MCTP2: variants seen among roughly 807,000 people sequenced by gnomAD.
The protein encoded by MCTP2 is multiple C2 and transmembrane domain-containing protein 2.
Under a neutral mutation model 111.6 loss-of-function variants are expected in MCTP2, and 132 were observed. The ratio of observed to expected loss-of-function variants is 1.18; its 90% CI spans 1.03 to 1.37. The LOEUF (loss-of-function observed/expected upper bound fraction) is 1.37. MCTP2 is among the 40% of genes most tolerant of loss of function. The pLI is 0.00. For synonymous variants in MCTP2, 395 were observed against 387.7 expected, an observed-to-expected ratio of 1.02 and a Z score of -0.22; for missense variants, 1,183 against 1,067.9, an observed-to-expected ratio of 1.11 and a Z score of -1.50.
chr15:94,351,533 T>C (rs2078301176), intron 8 of MCTP2, among the ~76,000 whole-genome samples: 1 of 152,228 alleles, frequency 6.6e-6, no homozygotes, highest in Non-Finnish European at 1.5e-5. Context: ...CATTGACTAC[T>C]TACTTTCCCA....
chr15:94,482,533 A>G lies in MCTP2; in HGVS notation c.*3499A>G, dbSNP rs1292224879. 6.6e-6 allele frequency: 1 copy of G among 152,178 alleles called. No individual in the cohort carries two copies. The highest frequency in any genetic ancestry group is 1.5e-5 in the Non-Finnish European group (1 of 68,046). 9.4% of individuals were successfully genotyped at this position (152,178 alleles called of 1,614,324 possible). A position where few individuals can be genotyped will look rare whatever the true frequency, so the allele number is the denominator to read the frequency against. On this transcript the variant is annotated 3_prime_UTR_variant, in exon 23 of 23. Coordinates refer to ENST00000357742, the MANE Select transcript of MCTP2 (RefSeq NM_001385001.1). ...GAACTGTAAGAACTGCTGTGAGAGG[A>G]CCACAGGAGTCCAGTTTTAGCGCTG...
rs762172367 is a variant in MCTP2 at position 94,384,012 on chromosome 15, A to T, written c.1583-10A>T. ...CTTGTCTTTGACCGATGTGTATGTT[A>T]TCTTTCCAGGGAAGAGTGACCCATT... On this transcript the variant is annotated splice_polypyrimidine_tract_variant and intron_variant, in intron 12 of 22. Transcript: ENST00000357742. 4.4e-6 allele frequency: 7 copies of T among 1,594,932 alleles called. No individual in the cohort carries two copies. The East Asian group carries it at 6.7e-5, about 15-fold the overall frequency.
At chr15:94,437,687 G>A (rs560032579) in intron 17 of MCTP2, among the ~76,000 whole-genome samples, 2 of 152,170 alleles carry the variant, frequency 1.3e-5, no homozygotes, top group African/African-American at 4.8e-5. Context: ...ATCATTTTGA[G>A]CGTGTAATAA....
At chr15:94,237,353 TTTGAGAGGTGGAGGTGGAAGGACG>T in intron 1 of MCTP2, among the ~76,000 whole-genome samples, 1 of 151,980 alleles carries the variant, frequency 6.6e-6, no homozygotes, top group South Asian at 2.1e-4. Flanking sequence ...GAGAGCCATA[TTTGAGAGGTGGAGGTGGAAGGACG>T]TCCTCAATGT....
rs16948877 is a variant in MCTP2 at position 94,297,183 on chromosome 15, C to G, written c.-65-1018C>G. Among the ~76,000 whole-genome samples the G allele has an allele frequency of 5.8e-3, 876 of 152,288 alleles. 9 individuals are homozygous for G. The highest frequency in any genetic ancestry group is 0.02 in the African/African-American group (839 of 41,554). On this transcript the variant is annotated intron_variant, in intron 1 of 22. Transcript: ENST00000357742. ...AAAGGATTTATTATGAGGCATGTGA[C>G]ACATAAAATAAGGGTTATTTCTGCA... is the stretch of plus-strand genomic sequence containing the variant.
At chr15:94,443,624 A>G (rs945808427) in intron 19 of MCTP2, among the ~76,000 whole-genome samples, 1 of 152,282 alleles carries the variant, frequency 6.6e-6, no homozygotes, top group African/African-American at 2.4e-5. Flanking sequence ...GGGAACCTTG[A>G]GAGTAAGTAT....
chr15:94,288,750 C>G (rs1405042862), intron 1 of MCTP2, among the ~76,000 whole-genome samples: 1 of 152,050 alleles, frequency 6.6e-6, no homozygotes, highest in Non-Finnish European at 1.5e-5. Flanking sequence ...GTAGAATGCT[C>G]AAATGAATAA....
rs910793206 is a variant in MCTP2 at position 94,472,649 on chromosome 15, C to T, written c.2470+2207C>T. On this transcript the variant is annotated intron_variant, in intron 21 of 22. Coordinates refer to ENST00000357742, the MANE Select transcript of MCTP2 (RefSeq NM_001385001.1). ...GTAACCCTCTGAGCTTTGTACTTTA[C>T]GTCTGGTTCTTCAGTTTTACATTTT... Among the ~76,000 whole-genome samples, 9 of 152,168 alleles carry T rather than the reference C, an allele frequency of 5.9e-5. No homozygotes were observed. The East Asian group carries it at 1.2e-3, about 20-fold the overall frequency.
intron 1 of MCTP2, among the ~76,000 whole-genome samples, chr15:94,257,865 G>A (rs998034237): frequency 1.3e-5 from 2 of 150,956 alleles, no homozygotes; most frequent in South Asian, 2.1e-4. Flanking sequence ...GATTACAGGC[G>A]TGAGCCACCG....
chr15:94,394,668 GGCA>G (rs1251080089), intron 14 of MCTP2, among the ~76,000 whole-genome samples: 1 of 152,028 alleles, frequency 6.6e-6, no homozygotes, highest in African/African-American at 2.4e-5. Context: ...AGGAGGCTGA[GGCA>G]GCAGAATCAC....
chr15:94,325,206 C>A (rs1343802736), intron 4 of MCTP2, among the ~76,000 whole-genome samples: 2 of 152,152 alleles, frequency 1.3e-5, no homozygotes, highest in East Asian at 1.9e-4. Context: ...TAGCCATGAG[C>A]CTGCTAGGCT....
At chr15:94,435,045 G>A (rs370774677) in intron 17 of MCTP2, among the ~76,000 whole-genome samples, 1 of 151,878 alleles carries the variant, frequency 6.6e-6, no homozygotes, top group African/African-American at 2.4e-5. Context: ...TCTATTTTTA[G>A]TAGAGACAGG....
intron 20 of MCTP2, among the ~76,000 whole-genome samples, chr15:94,467,422 T>TAAATATATCAATTATAAA (rs60874772): frequency 0.72 from 109,356 of 151,750 alleles, 39,761 homozygotes; most frequent in Middle Eastern, 0.88. Context: ...ACTTTTATTA[T>TAAATATATCAATTATAAA]AATAATCAAA....
At chr15:94,289,097 G>C (rs1453578700) in intron 1 of MCTP2, among the ~76,000 whole-genome samples, 2 of 152,172 alleles carry the variant, frequency 1.3e-5, no homozygotes, top group Non-Finnish European at 2.9e-5. Context: ...GCCTCAACAA[G>C]TATTCAAAGA....
chr15:94,272,714 C>A (rs972528821), intron 1 of MCTP2, among the ~76,000 whole-genome samples: 4 of 127,884 alleles, frequency 3.1e-5, no homozygotes, highest in Non-Finnish European at 6.6e-5. Flanking sequence ...TTCTATTTGT[C>A]ATAAGATAAC....
chr15:94,304,407 A>T (rs951951878), intron 2 of MCTP2, among the ~76,000 whole-genome samples: 3 of 152,218 alleles, frequency 2.0e-5, no homozygotes, highest in Admixed American at 1.3e-4. Flanking sequence ...GTGCCCATGC[A>T]CTCCAGCAAG....
rs766948999 is a variant in MCTP2 at position 94,479,040 on chromosome 15, A to G, written c.*6A>G. 8 of 1,614,002 alleles carry G rather than the reference A, an allele frequency of 5.0e-6. No individual in the cohort carries two copies. The highest frequency in any genetic ancestry group is 1.7e-5 in the Admixed American group (1 of 60,020). ...AGAAGCGCAGCGCTCTCTAGGGCAC[A>G]CACCGACTTTGGACAGCAGCACCCA... On this transcript the variant is annotated 3_prime_UTR_variant, in exon 23 of 23. Transcript: ENST00000357742.
At chr15:94,401,208 C>T (rs776619461) in intron 16 of MCTP2, among the ~76,000 whole-genome samples, 1 of 152,102 alleles carries the variant, frequency 6.6e-6, no homozygotes, top group Non-Finnish European at 1.5e-5. Flanking sequence ...CCTCTTGCTA[C>T]TTAGTCCCCC....
intron 21 of MCTP2, among the ~76,000 whole-genome samples, chr15:94,473,827 A>G (rs1312438560): frequency 6.6e-6 from 1 of 152,198 alleles, no homozygotes; most frequent in Non-Finnish European, 1.5e-5. Context: ...AGTTGGAGCT[A>G]CCTGCTGGTC....
Sources: allele counts gnomAD v4.1 joint callset (sites outside exome capture counted in the v4.1 genomes callset), GRCh38; gene constraint gnomAD v4.1.1; transcripts MANE v1.5; gene names NCBI Gene and HGNC (gene_info 2026-07-23, HGNC 2026-07-21).